The following ANK2 variants were observed in gnomAD, a reference collection of about 807,000 sequenced individuals.
The protein encoded by ANK2 is ankyrin-2.
Under a neutral mutation model 360.5 loss-of-function variants are expected in ANK2, and 83 were observed. The observed-to-expected ratio is 0.23, with a 90% CI of 0.19 to 0.28. The LOEUF (loss-of-function observed/expected upper bound fraction) is 0.28. Ranked by LOEUF, ANK2 falls within the 10% of genes least tolerant of loss-of-function variation. The pLI is 1.00. For synonymous variants in ANK2, 1,740 were observed against 1,759.5 expected (o/e 0.99, Z 0.28); for missense variants, 4,201 against 4,795.7 (o/e 0.88, Z 3.66).
At chr4:112,873,784 C>T (rs1000898622) in intron 1 of ANK2, among the ~76,000 whole-genome samples, 3 of 151,934 alleles carry the variant, frequency 2.0e-5, no homozygotes, top group Non-Finnish European at 2.9e-5. Flanking sequence ...CCTCGTGATC[C>T]GCCTGCCTCA....
At chr4:112,936,968 T>G (rs2093789218) in intron 2 of ANK2, among the ~76,000 whole-genome samples, 2 of 152,106 alleles carry the variant, frequency 1.3e-5, no homozygotes, top group African/African-American at 4.8e-5. Flanking sequence ...TTTTAGTTTT[T>G]ATTTTTAGCA....
At chr4:113,263,178 ACT>A (rs2053969414) in intron 13 of ANK2, among the ~76,000 whole-genome samples, 1 of 138,662 alleles carries the variant, frequency 7.2e-6, no homozygotes, top group African/African-American at 2.9e-5. Flanking sequence ...ACAGAGCAAG[ACT>A]CTGTCTGAAA....
chr4:113,326,694 C>G (rs1481214235), intron 26 of ANK2, among the ~76,000 whole-genome samples: 2 of 152,016 alleles, frequency 1.3e-5, no homozygotes, highest in Non-Finnish European at 2.9e-5. Flanking sequence ...AACACGAAGG[C>G]TTGTTTTCTT....
At chr4:112,780,047 AC>A in the ANK2 span, among the ~76,000 whole-genome samples, 1 of 151,978 alleles carries the variant, frequency 6.6e-6, no homozygotes, top group Non-Finnish European at 1.5e-5. Context: ...ACATGGTGAA[AC>A]CCTGTCTCTA....
chr4:113,204,903 C>T (rs1350819989), intron 4 of ANK2, among the ~76,000 whole-genome samples: 2 of 152,176 alleles, frequency 1.3e-5, no homozygotes, highest in Non-Finnish European at 2.9e-5. Flanking sequence ...CAACCATCCA[C>T]CTCTTAGACT....
At chr4:113,304,383 T>G (rs2076300638) in intron 23 of ANK2, among the ~76,000 whole-genome samples, 1 of 152,204 alleles carries the variant, frequency 6.6e-6, no homozygotes. Context: ...ACTAATCTGT[T>G]TCTTTTGAAA....
intron 40 of ANK2, among the ~76,000 whole-genome samples, chr4:113,363,783 A>C (rs989903367): frequency 6.6e-6 from 1 of 152,084 alleles, no homozygotes; most frequent in African/African-American, 2.4e-5. Context: ...GTGTTTCTAC[A>C]TTATCCCATT....
intron 2 of ANK2, among the ~76,000 whole-genome samples, chr4:113,018,847 G>A (rs917909264): frequency 5.3e-5 from 8 of 152,118 alleles, no homozygotes; most frequent in African/African-American, 1.9e-4. Context: ...GCTTCTGAAA[G>A]GTCGCTGATT....
At chr4:112,747,461 A>C in the ANK2 span, among the ~76,000 whole-genome samples, 1 of 152,342 alleles carries the variant, frequency 6.6e-6, no homozygotes, top group Admixed American at 6.5e-5. Flanking sequence ...TTGGTGGTTT[A>C]TGTGCATAAT....
At chr4:113,207,850 G>A (rs1422725198) in intron 4 of ANK2, among the ~76,000 whole-genome samples, 4 of 152,144 alleles carry the variant, frequency 2.6e-5, no homozygotes, top group African/African-American at 9.7e-5. Flanking sequence ...GATGAGGTGG[G>A]CAGGGGGCAT....
At chr4:113,169,308 C>A (rs895435978) in intron 1 of ANK2, among the ~76,000 whole-genome samples, 4 of 152,138 alleles carry the variant, frequency 2.6e-5, no homozygotes, top group Non-Finnish European at 5.9e-5. Context: ...TTAACTTATC[C>A]TACATGCCTA....
At chr4:112,928,785 C>A (rs1348221740) in intron 2 of ANK2, among the ~76,000 whole-genome samples, 1 of 152,034 alleles carries the variant, frequency 6.6e-6, no homozygotes, top group Non-Finnish European at 1.5e-5. Flanking sequence ...ACACTTCGAT[C>A]TTGAACTTTT....
At chr4:113,236,088 A>G (rs1278845164) in intron 5 of ANK2, among the ~76,000 whole-genome samples, 5 of 152,056 alleles carry the variant, frequency 3.3e-5, no homozygotes, top group African/African-American at 1.2e-4. Context: ...CTCTATGGAA[A>G]TGGAAACTTC....
At chr4:112,747,668 G>C in the ANK2 span, among the ~76,000 whole-genome samples, 1 of 152,106 alleles carries the variant, frequency 6.6e-6, no homozygotes, top group East Asian at 1.9e-4. Flanking sequence ...TTATTTTAAT[G>C]GTGGTTCTCT....
intron 1 of ANK2, among the ~76,000 whole-genome samples, chr4:112,887,435 A>AT (rs1641286429): frequency 6.6e-6 from 1 of 152,218 alleles, no homozygotes; most frequent in South Asian, 2.1e-4. Context: ...TATTAAGTGC[A>AT]TTTTTGACTT....
chr4:113,235,240 A>G (rs962318045), intron 5 of ANK2, among the ~76,000 whole-genome samples: 3 of 152,234 alleles, frequency 2.0e-5, no homozygotes, highest in African/African-American at 7.2e-5. Context: ...TTCACAGAGC[A>G]TTTAATTTGT....
chr4:112,866,685 G>A (rs1019702373), intron 1 of ANK2, among the ~76,000 whole-genome samples: 56 of 151,802 alleles, frequency 3.7e-4, no homozygotes, highest in African/African-American at 1.2e-3. Context: ...GTTTTTTCTC[G>A]TGTTATTTTT....
chr4:113,137,143 G>A (rs772199730), intron 1 of ANK2, among the ~76,000 whole-genome samples: 5 of 152,180 alleles, frequency 3.3e-5, no homozygotes, highest in African/African-American at 4.8e-5. Flanking sequence ...CTAGATTTTC[G>A]CTTTTATCTT....
intron 45 of ANK2, among the ~76,000 whole-genome samples, chr4:113,380,266 G>A (rs1437771835): frequency 1.3e-5 from 2 of 151,126 alleles, no homozygotes; most frequent in Non-Finnish European, 3.0e-5. Flanking sequence ...AAAAAAAAAA[G>A]AAGAATATAT....
Sources: allele counts gnomAD v4.1 joint callset (sites outside exome capture counted in the v4.1 genomes callset), GRCh38; gene constraint gnomAD v4.1.1; transcripts MANE v1.5; gene names NCBI Gene and HGNC (gene_info 2026-07-23, HGNC 2026-07-21).